USP13: variants seen among roughly 807,000 people sequenced by gnomAD.
USP13 encodes the protein ubiquitin specific peptidase 13.
In USP13, 68 loss-of-function variants were observed where a neutral mutation model predicts 107.8. That is an observed-to-expected ratio of 0.63 (90% CI 0.52 to 0.77). The LOEUF (loss-of-function observed/expected upper bound fraction) is 0.77. Ranked by LOEUF, USP13 falls within the 30% of genes least tolerant of loss-of-function variation. The pLI is 0.00. For missense variants in USP13, 945 were observed against 1,093.3 expected (o/e 0.86, Z 1.91); for synonymous variants, 377 against 389.5 (o/e 0.97, Z 0.38).
chr3:179,676,315 A>G (rs1212876617), intron 1 of USP13, among the ~76,000 whole-genome samples: 1 of 152,152 alleles, frequency 6.6e-6, no homozygotes, highest in Non-Finnish European at 1.5e-5. Flanking sequence ...TGATTCTTCC[A>G]GTTGCATTTC....
chr3:179,756,445 CAAAA>C (rs1553798053), intron 15 of USP13, among the ~76,000 whole-genome samples: 45 of 133,178 alleles, frequency 3.4e-4, no homozygotes, highest in African/African-American at 1.2e-3. Context: ...AACAAACAAA[CAAAA>C]AATACAGAGA....
rs1715756980 is a variant in USP13, at chr3:179,781,791, T to A, written c.2466T>A (p.Gly822=). ...ISHMGTSTMS[G]HYICHIKKEG... ...ACATGGGAACATCCACAATGAGTGGTCATTACATTTGCCATATCAAAAAGG... is the reference window on the plus strand; with the variant it reads ...ACATGGGAACATCCACAATGAGTGGACATTACATTTGCCATATCAAAAAGG... Residue 822 remains glycine, a synonymous_variant, in exon 20 of 21, where the codon GGT becomes GGA. Transcript: ENST00000263966. The A allele has an allele frequency of 6.2e-7, 1 of 1,614,082 alleles. No homozygotes were observed. Among genetic ancestry groups the A allele is most frequent in the East Asian group, 2.2e-5 (1 of 44,862 alleles).
rs765268795 is a variant in USP13 at position 179,761,122 on chromosome 3, C to G, written c.1959C>G (p.Ile653Met). ...TGTTGTGCTCTGTAGCATCAGACAT[C>G]GATGAGTCATCAGTGATGCAGCTGG... ...LMNQLIDPSD[I>M]DESSVMQLAE... The change falls in exon 17 of 21, where the codon ATC becomes ATG. Residue 653 changes from isoleucine (I) to methionine (M), a missense_variant. By Grantham distance (10) the Ile-to-Met change is conservative. Transcript: ENST00000263966. The G allele has an allele frequency of 4.3e-6, 7 of 1,614,010 alleles. No homozygotes were observed. Among genetic ancestry groups the G allele is most frequent in the Non-Finnish European group, 5.9e-6 (7 of 1,180,018 alleles).
At chr3:179,719,484 G>A (rs1407106661) in intron 6 of USP13, among the ~76,000 whole-genome samples, 1 of 152,116 alleles carries the variant, frequency 6.6e-6, no homozygotes, top group African/African-American at 2.4e-5. Flanking sequence ...TTCTCAGATG[G>A]AACAAGCTGC....
chr3:179,752,294 C>A lies in USP13; in HGVS notation c.1719C>A (p.Arg573=). 6.2e-7 allele frequency: 1 copy of A among 1,613,874 alleles called. No individual in the cohort carries two copies. Among genetic ancestry groups the A allele is most frequent in the South Asian group, 1.1e-5 (1 of 90,944 alleles). The change falls in exon 14 of 21, where the codon CGC becomes CGA. Residue 573 remains arginine (R), a synonymous_variant. Coordinates refer to ENST00000263966, the MANE Select transcript of USP13 (RefSeq NM_003940.3). ...CCCTTGTGTTTCCCAGAACATCTCG[C>A]TTTGCTTCATTCCCTGAATACTTGG... ...QAKSAGVKTS[R]FASFPEYLVV...
In USP13 at chr3:179,789,011, C is replaced by T. The variant is rs1715986074; in HGVS notation, c.*4870C>T. Reference sequence around the variant, plus strand: ...TTGCCTGGGAGCTGCTACCTTTGCTCTTCTAGCATCTTCTAGGTACCAAGG... The same window carrying T: ...TTGCCTGGGAGCTGCTACCTTTGCTTTTCTAGCATCTTCTAGGTACCAAGG... On this transcript the variant is annotated 3_prime_UTR_variant, in exon 21 of 21. Transcript: ENST00000263966. 1 of 152,194 alleles carries T rather than the reference C, an allele frequency of 6.6e-6. No individual in the cohort carries two copies. The highest frequency in any genetic ancestry group is 1.5e-5 in the Non-Finnish European group (1 of 68,032). 9.4% of individuals were successfully genotyped at this position (152,194 alleles called of 1,614,324 possible).
chr3:179,669,569 C>A (rs185390889), intron 1 of USP13, among the ~76,000 whole-genome samples: 58 of 152,244 alleles, frequency 3.8e-4, no homozygotes, highest in African/African-American at 1.4e-3. Flanking sequence ...CTTCCCCAGG[C>A]TAAGCCACCA....
chr3:179,680,255 A>T (rs1225576559), intron 1 of USP13, among the ~76,000 whole-genome samples: 1 of 152,172 alleles, frequency 6.6e-6, no homozygotes, highest in Non-Finnish European at 1.5e-5. Flanking sequence ...CATATCAGAC[A>T]TGCAATAACG....
chr3:179,659,548 C>A (rs1720395711), intron 1 of USP13, among the ~76,000 whole-genome samples: 1 of 152,052 alleles, frequency 6.6e-6, no homozygotes, highest in Non-Finnish European at 1.5e-5. Context: ...TACTAGGTGC[C>A]ATGCATCATT....
intron 2 of USP13, among the ~76,000 whole-genome samples, chr3:179,684,538 G>A (rs949376980): frequency 2.0e-5 from 3 of 150,666 alleles, no homozygotes; most frequent in Admixed American, 6.6e-5. Flanking sequence ...ATGGTGCTCC[G>A]TCTTGTGCTC....
chr3:179,670,698 T>A (rs1304350250), intron 1 of USP13, among the ~76,000 whole-genome samples: 3 of 151,628 alleles, frequency 2.0e-5, no homozygotes, highest in East Asian at 2.0e-4. Context: ...GCAATTTTTT[T>A]ATTTTTTTAT....
intron 17 of USP13, among the ~76,000 whole-genome samples, chr3:179,763,499 G>C (rs1715072702): frequency 1.3e-5 from 2 of 152,180 alleles, no homozygotes; most frequent in Non-Finnish European, 2.9e-5. Context: ...TGGTCTTGTT[G>C]AAAATCAGTT....
chr3:179,714,047 G>A (rs984245611), intron 6 of USP13, among the ~76,000 whole-genome samples: 8 of 152,324 alleles, frequency 5.3e-5, no homozygotes, highest in East Asian at 3.9e-4. Flanking sequence ...CAAACAAAAA[G>A]CTTTCCTCTG....
chr3:179,690,370 AT>A, intron 3 of USP13, 69 bp downstream of exon 3: 4 of 1,372,866 alleles, frequency 2.9e-6, no homozygotes, highest in Non-Finnish European at 4.1e-6. Flanking sequence ...ACTCATGTGC[AT>A]CTTTGATTTA....
intron 5 of USP13, 59 bp from the exon 6 acceptor site, chr3:179,708,714 G>C (rs1044085991): frequency 6.3e-7 from 1 of 1,590,870 alleles, no homozygotes; most frequent in African/African-American, 1.3e-5. Flanking sequence ...TGTCTTCTTA[G>C]ATGTTAAGTT....
chr3:179,715,361 T>G (rs574043382), intron 6 of USP13, among the ~76,000 whole-genome samples: 5 of 126,136 alleles, frequency 4.0e-5, no homozygotes, highest in African/African-American at 1.2e-4. Context: ...GTGTTTATTT[T>G]TCTTTCTTTT....
chr3:179,727,161 ATGTT>A (rs1713551566), intron 8 of USP13, among the ~76,000 whole-genome samples: 2 of 121,376 alleles, frequency 1.6e-5, no homozygotes, highest in African/African-American at 7.5e-5. Flanking sequence ...ACAATTTTTA[ATGTT>A]TTTTTTTTTT....
Position 179,736,104 on chromosome 3 carries a change from C to T in USP13, c.1255-4143C>T, listed in dbSNP as rs140944888. Reference sequence around the variant, plus strand: ...AATTAACAACCATCCCTTAGTATCACGAATACCTAGTCCATCTTCTGATTT... The same window carrying T: ...AATTAACAACCATCCCTTAGTATCATGAATACCTAGTCCATCTTCTGATTT... On this transcript the variant is annotated intron_variant, in intron 10 of 20. Coordinates refer to ENST00000263966, the MANE Select transcript of USP13 (RefSeq NM_003940.3). Among the ~76,000 whole-genome samples the T allele has an allele frequency of 3.9e-5, 6 of 152,296 alleles. 1 individual carries two copies. The highest frequency in any genetic ancestry group is 9.6e-5 in the African/African-American group (4 of 41,572).
intron 6 of USP13, among the ~76,000 whole-genome samples, chr3:179,717,707 C>T (rs2108491079): frequency 6.6e-6 from 1 of 152,194 alleles, no homozygotes; most frequent in South Asian, 2.1e-4. Flanking sequence ...GATCCCTTGT[C>T]ATAGATTAAA....
Sources: gnomAD v4.1 joint callset for allele counts (sites outside exome capture counted in the v4.1 genomes callset) on GRCh38, gnomAD v4.1.1 for gene constraint, MANE v1.5 for transcripts, NCBI Gene and HGNC (gene_info 2026-07-23, HGNC 2026-07-21) for gene names.